The following CELF4 variants were observed in gnomAD, a reference collection of about 807,000 sequenced individuals.
CELF4 encodes the protein CUG-BP- and ETR-3-like factor 4.
Under a neutral mutation model 59.9 loss-of-function variants are expected in CELF4, and 18 were observed. That is an observed-to-expected ratio of 0.30 (90% CI 0.21 to 0.45). The LOEUF is 0.45. Among genes scored for constraint, CELF4 ranks in the 20% least tolerant of loss-of-function variants. The pLI, the probability that CELF4 is intolerant of heterozygous loss-of-function variation, is 1.00. For missense variants in CELF4, 456 were observed against 689.0 expected, an observed-to-expected ratio of 0.66 and a Z score of 3.79; for synonymous variants, 261 against 267.1, an observed-to-expected ratio of 0.98 and a Z score of 0.22.
At chr18:37,347,578 C>T (rs1182761680) in intron 2 of CELF4, among the ~76,000 whole-genome samples, 1 of 152,142 alleles carries the variant, frequency 6.6e-6, no homozygotes, top group African/African-American at 2.4e-5. Context: ...GGCGGCCGCA[C>T]ACCCTCTGCT....
At chr18:37,450,847 C>T (rs1430436822) in intron 2 of CELF4, among the ~76,000 whole-genome samples, 1 of 152,176 alleles carries the variant, frequency 6.6e-6, no homozygotes, top group Non-Finnish European at 1.5e-5. Flanking sequence ...CAAGGGACAA[C>T]ACATTCCTCT....
At chr18:37,283,360 C>T (rs1023268377) in intron 3 of CELF4, among the ~76,000 whole-genome samples, 1 of 152,030 alleles carries the variant, frequency 6.6e-6, no homozygotes, top group Admixed American at 6.6e-5. Flanking sequence ...TGCTGAAACC[C>T]TGTGGTGGCT....
intron 2 of CELF4, among the ~76,000 whole-genome samples, chr18:37,407,883 G>T (rs990678488): frequency 3.3e-5 from 5 of 152,024 alleles, no homozygotes; most frequent in African/African-American, 9.7e-5. Flanking sequence ...CTCAATTTTT[G>T]GGGGGCATAT....
intron 3 of CELF4, among the ~76,000 whole-genome samples, chr18:37,309,661 C>G (rs1462071534): frequency 6.6e-6 from 1 of 151,988 alleles, no homozygotes; most frequent in African/African-American, 2.4e-5. Flanking sequence ...GACGACGTCC[C>G]CCAAATGCAG....
chr18:37,362,901 G>A (rs921206485), intron 2 of CELF4, among the ~76,000 whole-genome samples: 3 of 152,168 alleles, frequency 2.0e-5, no homozygotes, highest in African/African-American at 7.2e-5. Flanking sequence ...CAGCTTCTAG[G>A]TCTGGACCAG....
At chr18:37,464,696 CAG>C (rs2099803173) in intron 2 of CELF4, among the ~76,000 whole-genome samples, 1 of 152,090 alleles carries the variant, frequency 6.6e-6, no homozygotes, top group Admixed American at 6.6e-5. Context: ...GCAGCCCTGC[CAG>C]GGGAGGCATC....
At chr18:37,364,676 T>C (rs2098753106) in intron 2 of CELF4, among the ~76,000 whole-genome samples, 1 of 152,222 alleles carries the variant, frequency 6.6e-6, no homozygotes, top group South Asian at 2.1e-4. Flanking sequence ...TCTTTTCTGG[T>C]TAGTCCTAAA....
chr18:37,290,134 T>C (rs779332841), intron 3 of CELF4, among the ~76,000 whole-genome samples: 3 of 152,012 alleles, frequency 2.0e-5, no homozygotes, highest in Non-Finnish European at 2.9e-5. Flanking sequence ...GGTGCTGAGC[T>C]GGGGAGGCCA....
chr18:37,298,025 T>C lies in CELF4; in HGVS notation c.449-22782A>G, dbSNP rs142077057. On this transcript the variant is annotated intron_variant, in intron 3 of 12. Coordinates refer to ENST00000420428, the MANE Select transcript of CELF4 (RefSeq NM_020180.4). ...CAGTTCTACTATTAACTGTCCTCCT[T>C]CTGTGGTCTGCACTGGGCTCAAGGG... Among the ~76,000 whole-genome samples, 233 of 152,308 alleles carry C rather than the reference T, an allele frequency of 1.5e-3. 1 individual carries two copies. Among genetic ancestry groups the C allele is most frequent in the African/African-American group, 5.5e-3 (227 of 41,558 alleles).
chr18:37,456,165 C>T (rs2099777653), intron 2 of CELF4, among the ~76,000 whole-genome samples: 1 of 152,168 alleles, frequency 6.6e-6, no homozygotes, highest in South Asian at 2.1e-4. Context: ...CTGGTTTCTC[C>T]CCATCAAGTT....
chr18:37,251,915 G>C (rs1429842737), intron 12 of CELF4, among the ~76,000 whole-genome samples: 1 of 152,162 alleles, frequency 6.6e-6, no homozygotes, highest in Non-Finnish European at 1.5e-5. Context: ...CCAGAAATGG[G>C]CAAGGATGGG....
rs537476339 is a variant in CELF4 at position 37,351,559 on chromosome 18, G to T, written c.370-29678C>A. On this transcript the variant is annotated intron_variant, in intron 2 of 12. Transcript: ENST00000420428. ...ATATTATATTCAATTTTGAGCCAGT[G>T]TCCAGAAACACAGTTTTCAGCTTTC... Among the ~76,000 whole-genome samples the T allele has an allele frequency of 2.5e-3, 382 of 151,592 alleles. 2 individuals carry two copies. Among genetic ancestry groups the T allele is most frequent in the African/African-American group, 8.9e-3 (367 of 41,300 alleles).
intron 2 of CELF4, among the ~76,000 whole-genome samples, chr18:37,459,358 T>C (rs1409093277): frequency 6.9e-6 from 1 of 145,126 alleles, no homozygotes; most frequent in East Asian, 2.1e-4. Context: ...TAATGGTCTG[T>C]GTAGGTAACT....
chr18:37,460,256 T>G (rs1451642221), intron 2 of CELF4, among the ~76,000 whole-genome samples: 1 of 152,192 alleles, frequency 6.6e-6, no homozygotes, highest in Non-Finnish European at 1.5e-5. Flanking sequence ...CCACTTTATA[T>G]AAGGAGTTAT....
In CELF4 at chr18:37,253,508, G is replaced by A. The variant is rs370588190; in HGVS notation, c.*44+259C>T. Among the ~76,000 whole-genome samples, 171 of 152,332 alleles carry A rather than the reference G, an allele frequency of 1.1e-3. No homozygotes were observed. The highest frequency in any genetic ancestry group is 3.5e-3 in the African/African-American group (145 of 41,590). The stretch of plus-strand genomic sequence containing the variant: ...TGTAGACCCGGAGGCGCAGGCCCAG[G>A]GCTCGCCTCACCCGCCCGGAGTGGC... On this transcript the variant is annotated intron_variant, in intron 12 of 12. Transcript: ENST00000420428. The surrounding 1 kb of genome is among the most constrained non-coding windows in gnomAD (Gnocchi z 4.5).
intron 1 of CELF4, among the ~76,000 whole-genome samples, chr18:37,555,532 C>G (rs753392797): frequency 1.2e-4 from 18 of 152,160 alleles, no homozygotes; most frequent in Non-Finnish European, 2.5e-4. Flanking sequence ...TAGAACCAGT[C>G]AATATGATTA....
chr18:37,331,439 G>C (rs529243289), intron 2 of CELF4, among the ~76,000 whole-genome samples: 1 of 152,146 alleles, frequency 6.6e-6, no homozygotes, highest in South Asian at 2.1e-4. Context: ...AAGGGGATGA[G>C]GGGAAGGTCG....
chr18:37,485,051 C>T (rs536318878), intron 2 of CELF4, among the ~76,000 whole-genome samples: 1 of 152,292 alleles, frequency 6.6e-6, no homozygotes, highest in Admixed American at 6.5e-5. Flanking sequence ...TCTCTTCTCC[C>T]CCGCACAGAA....
At position 37,254,335 on chromosome 18, in the gene CELF4, C is replaced by G. The variant is rs1488797329; in HGVS notation, c.1334-397G>C. Among the ~76,000 whole-genome samples the G allele has an allele frequency of 5.9e-5, 9 of 151,882 alleles. No homozygotes were observed. The South Asian group carries it at 1.0e-3, about 17-fold the overall frequency. ...GGTGGAGGAGTTTATTGGACACTGT[C>G]CTCCCTGACAGGAGGGGGCCTGGCA... On this transcript the variant is annotated intron_variant, in intron 11 of 12. Coordinates refer to ENST00000420428, the MANE Select transcript of CELF4 (RefSeq NM_020180.4). This position sits in a 1 kb window ranked among gnomAD's most constrained non-coding sequence, Gnocchi z 5.1.
Sources: gnomAD v4.1 joint callset for allele counts (sites outside exome capture counted in the v4.1 genomes callset) on GRCh38, gnomAD v4.1.1 for gene constraint, Gnocchi (gnomAD v3.1) non-coding constraint, MANE v1.5 for transcripts, NCBI Gene and HGNC (gene_info 2026-07-23, HGNC 2026-07-21) for gene names.